Variants in ROBO2 observed in about 807,000 individuals in gnomAD.
ROBO2 encodes the protein roundabout guidance receptor 2, also known as roundabout homolog 2.
A neutral mutation model predicts 160.8 loss-of-function variants in ROBO2; 53 were observed. That is an observed-to-expected ratio of 0.33 (90% confidence interval 0.26 to 0.41). The LOEUF is 0.41. Among genes scored for constraint, ROBO2 ranks in the 10% least tolerant of loss-of-function variants. ROBO2 has a pLI of 1.00. For synonymous variants in ROBO2, 664 were observed against 611.7 expected (o/e 1.09, Z -1.26); for missense variants, 1,577 against 1,722.4 (o/e 0.92, Z 1.49).
intron 2 of ROBO2, among the ~76,000 whole-genome samples, chr3:76,272,836 T>TA (rs1294739803): frequency 2.5e-5 from 1 of 40,056 alleles, no homozygotes; most frequent in African/African-American, 8.5e-5. Flanking sequence ...ATAAAATATA[T>TA]ATATTATATA....
At chr3:77,245,179 C>G (rs370904783) in intron 2 of ROBO2, among the ~76,000 whole-genome samples, 25 of 152,244 alleles carry the variant, frequency 1.6e-4, no homozygotes, top group South Asian at 6.2e-4. Flanking sequence ...CCTGTCATAT[C>G]TGCCTCAAGG....
intron 16 of ROBO2, 99 bp downstream of exon 17, chr3:77,580,217 G>T: frequency 9.3e-7 from 1 of 1,071,574 alleles, no homozygotes; most frequent in Non-Finnish European, 1.4e-6. Context: ...ATACACTTAT[G>T]AATGATAGGG....
At chr3:76,839,641 GT>G in intron 2 of ROBO2, among the ~76,000 whole-genome samples, 1 of 152,266 alleles carries the variant, frequency 6.6e-6, no homozygotes, top group Non-Finnish European at 1.5e-5. Context: ...GTTTTGATAT[GT>G]TTTGTCTGGT....
intron 2 of ROBO2, among the ~76,000 whole-genome samples, chr3:77,450,503 A>G (rs2081006769): frequency 1.3e-5 from 2 of 152,086 alleles, no homozygotes; most frequent in South Asian, 2.1e-4. Flanking sequence ...TTATTGGCCA[A>G]TGTGGTGCCT....
At chr3:77,531,854 C>T (rs1048838180) in intron 6 of ROBO2, among the ~76,000 whole-genome samples, 1 of 152,088 alleles carries the variant, frequency 6.6e-6, no homozygotes, top group Non-Finnish European at 1.5e-5. Context: ...GCTGTTACCC[C>T]ATGACCTGAG....
At chr3:76,010,826 G>A (rs1191494778) in intron 2 of ROBO2, among the ~76,000 whole-genome samples, 3 of 152,216 alleles carry the variant, frequency 2.0e-5, no homozygotes, top group South Asian at 2.1e-4. Context: ...AAATATAAAC[G>A]TGTAGATTGT....
intron 2 of ROBO2, among the ~76,000 whole-genome samples, chr3:77,399,381 C>CT (rs1056793098): frequency 4.6e-5 from 7 of 152,052 alleles, no homozygotes; most frequent in Non-Finnish European, 1.0e-4. Context: ...TCCTAGGAAT[C>CT]TTTTTTTCTT....
At chr3:77,180,435 T>TATATATATACGTA (rs1491200828) in intron 2 of ROBO2, among the ~76,000 whole-genome samples, 1 of 63,940 alleles carries the variant, frequency 1.6e-5, no homozygotes, top group Admixed American at 1.8e-4. Context: ...TATATATGTA[T>TATATATATACGTA]TTTTTTTTTT....
chr3:77,527,261 G>T, intron 6 of ROBO2, 142 bp from the exon 7 acceptor site: 1 of 415,222 alleles, frequency 2.4e-6, no homozygotes, highest in Non-Finnish European at 4.1e-6. Context: ...AGACATCTTG[G>T]TCATACTTGA....
intron 2 of ROBO2, among the ~76,000 whole-genome samples, chr3:76,666,801 G>C (rs936608057): frequency 6.6e-6 from 1 of 151,838 alleles, no homozygotes; most frequent in Non-Finnish European, 1.5e-5. Context: ...AATTAATTCT[G>C]TTATTGATTA....
intron 2 of ROBO2, among the ~76,000 whole-genome samples, chr3:76,054,925 A>C (rs1248317871): frequency 2.0e-5 from 3 of 152,120 alleles, no homozygotes; most frequent in African/African-American, 7.2e-5. Flanking sequence ...ACATATCCTT[A>C]AGTTGATTGA....
intron 2 of ROBO2, among the ~76,000 whole-genome samples, chr3:77,446,387 A>G (rs1304151199): frequency 2.0e-5 from 3 of 152,106 alleles, no homozygotes; most frequent in African/African-American, 7.2e-5. Flanking sequence ...ATTTGAAAGG[A>G]TATTAAGACT....
At chr3:76,937,093 T>C (rs1248547579) in intron 2 of ROBO2, among the ~76,000 whole-genome samples, 1 of 152,168 alleles carries the variant, frequency 6.6e-6, no homozygotes, top group Middle Eastern at 3.2e-3. Flanking sequence ...TTGTACTTAG[T>C]AAACACCACA....
chr3:76,894,753 T>A (rs1002673999), intron 2 of ROBO2, among the ~76,000 whole-genome samples: 11 of 152,272 alleles, frequency 7.2e-5, no homozygotes, highest in African/African-American at 2.4e-4. Context: ...GTGTATACCA[T>A]GGACAAAGTT....
intron 2 of ROBO2, among the ~76,000 whole-genome samples, chr3:76,858,544 G>A (rs1430362571): frequency 2.6e-5 from 4 of 152,116 alleles, no homozygotes; most frequent in East Asian, 3.9e-4. Flanking sequence ...GATTACAAGC[G>A]TGAGCCACGG....
In ROBO2 at chr3:76,642,376, G is replaced by A. The variant is rs567812355; in HGVS notation, c.110-455638G>A. Among the ~76,000 whole-genome samples the A allele has an allele frequency of 5.3e-5, 6 of 113,628 alleles. No homozygotes were observed. In the South Asian group the frequency reaches 1.6e-3, roughly 31 times the overall value. 74.5% of individuals were successfully genotyped at this position (113,628 alleles called of 152,430 possible). On this transcript the variant is annotated intron_variant, in intron 2 of 26. Coordinates refer to the ROBO2 transcript ENST00000487694. Reference sequence around the variant, plus strand: ...TTTTTTTTTTTTTTTTTTTTGAGACGGAGACTCGCTCTGTCGCCCAGGCTG... The same window carrying A: ...TTTTTTTTTTTTTTTTTTTTGAGACAGAGACTCGCTCTGTCGCCCAGGCTG...
chr3:76,481,237 G>T lies in ROBO2; in HGVS notation c.109+543635G>T, dbSNP rs191788573. On this transcript the variant is annotated intron_variant, in intron 2 of 26. Transcript: ENST00000487694. ...TAGTATGTATTAGTTTAAGTAGACTGCTTTCTTCATTGGACATAAATGATA... is the reference window on the plus strand; with the variant it reads ...TAGTATGTATTAGTTTAAGTAGACTTCTTTCTTCATTGGACATAAATGATA... Among the ~76,000 whole-genome samples the T allele has an allele frequency of 3.7e-4, 57 of 152,226 alleles. No individual in the cohort carries two copies. The East Asian group carries it at 0.011, about 28-fold the overall frequency.
intron 2 of ROBO2, among the ~76,000 whole-genome samples, chr3:76,506,796 G>A (rs928546775): frequency 1.3e-5 from 2 of 152,094 alleles, no homozygotes; most frequent in Admixed American, 6.5e-5. Flanking sequence ...AAGGAGGAGT[G>A]ATCCCTGATT....
chr3:76,740,772 T>C (rs2093788842), intron 2 of ROBO2, among the ~76,000 whole-genome samples: 1 of 152,140 alleles, frequency 6.6e-6, no homozygotes, highest in African/African-American at 2.4e-5. Flanking sequence ...AAGCTTACTG[T>C]AAATGATATG....
Sources: gnomAD v4.1 joint callset for allele counts (sites outside exome capture counted in the v4.1 genomes callset) on GRCh38, gnomAD v4.1.1 for gene constraint, MANE v1.5 for transcripts, NCBI Gene and HGNC (gene_info 2026-07-23, HGNC 2026-07-21) for gene names.